The following DTNA variants were observed in gnomAD, a reference collection of about 807,000 sequenced individuals.
DTNA encodes the protein dystrobrevin alpha, also known as dystrophin-related protein 3.
DTNA carries 43 observed loss-of-function variants against 100.7 expected under a neutral mutation model. The ratio of observed to expected loss-of-function variants is 0.43; its 90% CI spans 0.33 to 0.55. The LOEUF is 0.55. Ranked by LOEUF, DTNA falls within the 20% of genes least tolerant of loss-of-function variation. The pLI, the probability that DTNA is intolerant of heterozygous loss-of-function variation, is 0.04. For synonymous variants in DTNA, 349 were observed against 347.9 expected (o/e 1.00, Z -0.04); for missense variants, 798 against 953.9 (o/e 0.84, Z 2.15).
intron 1 of DTNA, among the ~76,000 whole-genome samples, chr18:34,684,181 G>T (rs2078528121): frequency 6.6e-6 from 1 of 152,032 alleles, no homozygotes; most frequent in African/African-American, 2.4e-5. Context: ...TAGGTTCTGG[G>T]ATACATATGC....
rs371109581 is a variant in DTNA at position 34,641,548 on chromosome 18, A to G, written c.-1-114428A>G. Among the ~76,000 whole-genome samples the G allele has an allele frequency of 1.2e-4, 18 of 152,280 alleles. No individual in the cohort carries two copies. In the East Asian group the frequency reaches 2.9e-3, roughly 24 times the overall value. ...TCATACTTTTCTTGAATCTTCTTTT[A>G]TCCAGGTGGAACAATATCAATAATT... is the stretch of plus-strand genomic sequence containing the variant. On this transcript the variant is annotated intron_variant, in intron 1 of 19. Coordinates refer to the DTNA transcript ENST00000283365.
At chr18:34,551,324 C>G (rs2145937409) in intron 1 of DTNA, among the ~76,000 whole-genome samples, 1 of 152,248 alleles carries the variant, frequency 6.6e-6, no homozygotes, top group East Asian at 1.9e-4. Context: ...CAAACTATAT[C>G]CCACAGGTGT....
intron 1 of DTNA, among the ~76,000 whole-genome samples, chr18:34,679,114 A>G (rs377707900): frequency 2.0e-5 from 3 of 152,184 alleles, no homozygotes; most frequent in East Asian, 3.8e-4. Flanking sequence ...AGAAGATTCC[A>G]TGTTTTTCCA....
At position 34,817,287 on chromosome 18, in the gene DTNA, T is replaced by G. The variant is rs564339377; in HGVS notation, c.710-877T>G. 5.3e-5 allele frequency among the ~76,000 whole-genome samples: 8 copies of G among 152,342 alleles called. No individual in the cohort carries two copies. The South Asian group carries it at 1.4e-3, about 28-fold the overall frequency. ...CTTTGCTTTTTATCTTCATTTATTA[T>G]TATTTTCATTGTTTTTCCTGACTGG... On this transcript the variant is annotated intron_variant, in intron 7 of 22. Transcript: ENST00000444659.
chr18:34,820,732 T>C, intron 8 of DTNA, 59 bp from the exon 9 acceptor site: 1 of 1,610,378 alleles, frequency 6.2e-7, no homozygotes, highest in Non-Finnish European at 8.5e-7. Flanking sequence ...GCAAATCATT[T>C]GATAAAATAT....
At chr18:34,883,127 A>G (rs1001192719) in intron 21 of DTNA, among the ~76,000 whole-genome samples, 1 of 152,176 alleles carries the variant, frequency 6.6e-6, no homozygotes, top group African/African-American at 2.4e-5. Context: ...AGGTCGTTCT[A>G]CTACCTTGTT....
intron 1 of DTNA, among the ~76,000 whole-genome samples, chr18:34,540,656 G>T (rs1437861649): frequency 6.6e-6 from 1 of 151,976 alleles, no homozygotes; most frequent in African/African-American, 2.4e-5. Context: ...AGATCTGTGG[G>T]AAGTAAAGAA....
At chr18:34,634,596 T>C (rs1006539268) in intron 1 of DTNA, among the ~76,000 whole-genome samples, 2 of 152,142 alleles carry the variant, frequency 1.3e-5, no homozygotes, top group Non-Finnish European at 2.9e-5. Context: ...GTCTCACACA[T>C]ATATGTAGTC....
At chr18:34,876,300 G>C (rs1274753481) in intron 18 of DTNA, among the ~76,000 whole-genome samples, 2 of 152,134 alleles carry the variant, frequency 1.3e-5, no homozygotes, top group African/African-American at 4.8e-5. Context: ...CTAAGGAAAA[G>C]AGAGACATGT....
At chr18:34,634,336 T>A (rs2058423065) in intron 1 of DTNA, among the ~76,000 whole-genome samples, 1 of 152,166 alleles carries the variant, frequency 6.6e-6, no homozygotes, top group African/African-American at 2.4e-5. Flanking sequence ...AAATTAAAAT[T>A]AAGAAATTTA....
chr18:34,610,280 A>T (rs142920384), intron 1 of DTNA, among the ~76,000 whole-genome samples: 1 of 152,296 alleles, frequency 6.6e-6, no homozygotes, highest in Non-Finnish European at 1.5e-5. Flanking sequence ...GAGAACTGGG[A>T]TAAGTCAAAC....
At chr18:34,794,012 T>A in intron 3 of DTNA, 25 bp from the exon 4 acceptor site, 1 of 1,610,362 alleles carries the variant, frequency 6.2e-7, no homozygotes, top group Non-Finnish European at 8.5e-7. Flanking sequence ...TTTGGGCTGA[T>A]GTGTTAACTC....
intron 1 of DTNA, among the ~76,000 whole-genome samples, chr18:34,683,907 C>G (rs1286942041): frequency 6.6e-6 from 1 of 152,016 alleles, no homozygotes; most frequent in African/African-American, 2.4e-5. Flanking sequence ...ATATGTAAAT[C>G]TAATGAATTA....
upstream of DTNA, among the ~76,000 whole-genome samples, chr18:34,706,171 C>T (rs2082092587): frequency 6.6e-6 from 1 of 152,170 alleles, no homozygotes; most frequent in African/African-American, 2.4e-5. Flanking sequence ...TGGTCTTGAA[C>T]TCCCGACCTC....
chr18:34,701,771 C>T (rs146605344), intron 1 of DTNA, among the ~76,000 whole-genome samples: 1 of 152,120 alleles, frequency 6.6e-6, no homozygotes, highest in African/African-American at 2.4e-5. Flanking sequence ...TATTCTCACT[C>T]GTTTTCCCAC....
intron 1 of DTNA, among the ~76,000 whole-genome samples, chr18:34,698,515 A>G (rs931030507): frequency 1.3e-5 from 2 of 152,156 alleles, no homozygotes; most frequent in Non-Finnish European, 2.9e-5. Flanking sequence ...CTCTTTTTAC[A>G]TTCTCTCCTC....
At chr18:34,568,738 C>G (rs1433354905) in intron 1 of DTNA, among the ~76,000 whole-genome samples, 1 of 152,104 alleles carries the variant, frequency 6.6e-6, no homozygotes, top group Non-Finnish European at 1.5e-5. Context: ...ATTCTCCTGA[C>G]TCAGCCTCCT....
rs531808503 is a variant in DTNA at position 34,555,892 on chromosome 18, G to A, written c.-2+62378G>A. Among the ~76,000 whole-genome samples the A allele has an allele frequency of 5.4e-3, 818 of 152,132 alleles. 4 individuals are homozygous for A. The highest frequency in any genetic ancestry group is 9.5e-3 in the Non-Finnish European group (644 of 68,010). On this transcript the variant is annotated intron_variant, in intron 1 of 19. Coordinates refer to the DTNA transcript ENST00000283365. ...TCTTAGATGTCTATTAGGTCCGCTT[G>A]GTGCAGAGCTGAGTTCAATTCCTGG...
intron 3 of DTNA, among the ~76,000 whole-genome samples, chr18:34,784,390 A>G (rs943607281): frequency 6.6e-6 from 1 of 152,188 alleles, no homozygotes; most frequent in Non-Finnish European, 1.5e-5. Context: ...AGGTCAATAT[A>G]AAATCTAAAT....
Sources: gnomAD v4.1 joint callset for allele counts (sites outside exome capture counted in the v4.1 genomes callset) on GRCh38, gnomAD v4.1.1 for gene constraint, MANE v1.5 for transcripts, NCBI Gene and HGNC (gene_info 2026-07-23, HGNC 2026-07-21) for gene names.